ACOXL: variants seen among roughly 807,000 people sequenced by gnomAD.
The protein encoded by ACOXL is acyl-coenzyme A oxidase-like protein.
In ACOXL, 70 loss-of-function variants were observed where a neutral mutation model predicts 71.9. The observed-to-expected ratio is 0.97, with a 90% CI of 0.80 to 1.19. The LOEUF (loss-of-function observed/expected upper bound fraction) is 1.19, where lower values mean the gene tolerates loss of function less well. Ranked by LOEUF, ACOXL falls within the 50% of genes most tolerant of loss-of-function variation. The pLI is 0.00. For missense variants in ACOXL, 703 were observed against 736.3 expected (o/e 0.95, Z 0.52); for synonymous variants, 253 against 281.6 (o/e 0.90, Z 1.02).
chr2:110,824,472 T>C (rs1688951791), intron 9 of ACOXL, among the ~76,000 whole-genome samples: 1 of 152,226 alleles, frequency 6.6e-6, no homozygotes, highest in African/African-American at 2.4e-5. Flanking sequence ...TTCATTGATA[T>C]GGAATACCTT....
At chr2:111,003,570 A>AAAAAAAG (rs2063739388) in intron 14 of ACOXL, among the ~76,000 whole-genome samples, 1 of 148,556 alleles carries the variant, frequency 6.7e-6, no homozygotes. Flanking sequence ...AAAAAAAAAA[A>AAAAAAAG]AAAAAAAAAG....
At chr2:110,863,733 A>G (rs1298633773) in intron 10 of ACOXL, among the ~76,000 whole-genome samples, 1 of 151,984 alleles carries the variant, frequency 6.6e-6, no homozygotes, top group Admixed American at 6.6e-5. Flanking sequence ...GTTCTCATTC[A>G]CAGCCCATGT....
intron 17 of ACOXL, among the ~76,000 whole-genome samples, chr2:111,096,960 C>T (rs184200795): frequency 1.8e-4 from 27 of 152,254 alleles, no homozygotes; most frequent in Admixed American, 1.7e-3. Flanking sequence ...TGAGGATCTG[C>T]TGTCAAATTT....
At chr2:110,899,358 T>C (rs1160427646) in intron 10 of ACOXL, among the ~76,000 whole-genome samples, 2 of 152,250 alleles carry the variant, frequency 1.3e-5, no homozygotes, top group Non-Finnish European at 2.9e-5. Flanking sequence ...GTTGGGGTTC[T>C]GCATTTATCT....
At chr2:110,773,434 A>G (rs1210581140) in intron 2 of ACOXL, among the ~76,000 whole-genome samples, 1 of 152,168 alleles carries the variant, frequency 6.6e-6, no homozygotes. Flanking sequence ...TGAGCCAGGA[A>G]TCTGCCAAGA....
At chr2:111,041,258 G>A (rs768812096) in intron 15 of ACOXL, among the ~76,000 whole-genome samples, 18 of 152,302 alleles carry the variant, frequency 1.2e-4, no homozygotes, top group Non-Finnish European at 2.4e-4. Context: ...CTGAGCCTGA[G>A]CACTATATTA....
chr2:110,830,633 A>G (rs906997428), intron 9 of ACOXL, among the ~76,000 whole-genome samples: 1 of 151,962 alleles, frequency 6.6e-6, no homozygotes, highest in Non-Finnish European at 1.5e-5. Context: ...TCCCAGGCTC[A>G]TGCCATTCTC....
At chr2:111,031,831 G>A (rs1451625450) in intron 15 of ACOXL, 117 bp downstream of exon 15, 2 of 1,057,262 alleles carry the variant, frequency 1.9e-6, no homozygotes, top group Non-Finnish European at 2.8e-6. Flanking sequence ...GACAGTCCGT[G>A]TGTTGAATTT....
chr2:110,824,745 T>A (rs1688982764), intron 9 of ACOXL, among the ~76,000 whole-genome samples: 1 of 152,250 alleles, frequency 6.6e-6, no homozygotes. Flanking sequence ...CTTGACCTCA[T>A]GGAGTATGGC....
At chr2:111,070,828 G>C (rs1003841985) in intron 16 of ACOXL, among the ~76,000 whole-genome samples, 1 of 151,962 alleles carries the variant, frequency 6.6e-6, no homozygotes, top group Non-Finnish European at 1.5e-5. Flanking sequence ...ATGTGCCTTG[G>C]GTCTGACTGT....
chr2:110,788,413 T>C (rs72832818), intron 3 of ACOXL, among the ~76,000 whole-genome samples: 5,669 of 152,274 alleles, frequency 0.037, 130 homozygotes, highest in African/African-American at 0.056. Flanking sequence ...AGCCTACTTA[T>C]ATAAAATATC....
intron 11 of ACOXL, among the ~76,000 whole-genome samples, chr2:110,925,252 C>G (rs1197873873): frequency 6.6e-6 from 1 of 152,202 alleles, no homozygotes; most frequent in Non-Finnish European, 1.5e-5. Context: ...CAACTTAAAG[C>G]CACTAGCTGC....
At chr2:111,031,800 A>ACACACAGCTCTGCAGGGAAAG in intron 15 of ACOXL, 86 bp downstream of exon 15, 2 of 1,342,520 alleles carry the variant, frequency 1.5e-6, no homozygotes, top group Non-Finnish European at 2.1e-6. Context: ...GGGAAAGGAC[A>ACACACAGCTCTGCAGGGAAAG]GTCCCAACAC....
intron 12 of ACOXL, among the ~76,000 whole-genome samples, chr2:110,940,448 T>C (rs1258990326): frequency 6.6e-6 from 1 of 152,248 alleles, no homozygotes; most frequent in African/African-American, 2.4e-5. Flanking sequence ...GTTATTAATT[T>C]GGCCCTTGAG....
chr2:110,812,783 G>A (rs1056175691), intron 9 of ACOXL, among the ~76,000 whole-genome samples: 4 of 152,226 alleles, frequency 2.6e-5, no homozygotes, highest in African/African-American at 7.2e-5. Flanking sequence ...CCACGAAGAC[G>A]TGTTGTACGC....
chr2:110,942,759 T>G lies in ACOXL; in HGVS notation c.1059+9117T>G, dbSNP rs1031779195. On this transcript the variant is annotated intron_variant, in intron 12 of 17. Coordinates refer to ENST00000439055, the MANE Select transcript of ACOXL (RefSeq NM_001142807.4). ...AAAAAAAGTTAGCTGGGTGTGGTGG[T>G]GTAATCCTGGCTACTTGGGAGGCTG... Among the ~76,000 whole-genome samples, 64 of 148,684 alleles carry G rather than the reference T, an allele frequency of 4.3e-4. 1 individual carries two copies. In the East Asian group the frequency reaches 0.012, roughly 27 times the overall value.
intron 13 of ACOXL, among the ~76,000 whole-genome samples, chr2:110,995,590 G>C (rs2063359140): frequency 6.8e-6 from 1 of 148,102 alleles, no homozygotes; most frequent in African/African-American, 2.5e-5. Flanking sequence ...TTACATTGCT[G>C]TTAACTAAGA....
chr2:110,977,230 T>C (rs973136308), intron 12 of ACOXL, among the ~76,000 whole-genome samples: 1 of 151,408 alleles, frequency 6.6e-6, no homozygotes, highest in Non-Finnish European at 1.5e-5. Flanking sequence ...ACTAAAAATA[T>C]AAAAAATTAG....
intron 8 of ACOXL, 22 bp downstream of exon 8, chr2:110,801,746 C>A: frequency 6.2e-7 from 1 of 1,606,342 alleles, no homozygotes; most frequent in Non-Finnish European, 8.5e-7. Flanking sequence ...CTCCTTAACT[C>A]AGGTCAATGG....
Sources: allele counts gnomAD v4.1 joint callset (sites outside exome capture counted in the v4.1 genomes callset), GRCh38; gene constraint gnomAD v4.1.1; transcripts MANE v1.5; gene names NCBI Gene and HGNC (gene_info 2026-07-23, HGNC 2026-07-21).